Variants in CAGE1 observed in about 807,000 individuals in gnomAD.
CAGE1 encodes cancer-associated gene 1 protein.
A neutral mutation model predicts 94.9 loss-of-function variants in CAGE1; 66 were observed. That is an observed-to-expected ratio of 0.70 (90% CI 0.57 to 0.85). The LOEUF (loss-of-function observed/expected upper bound fraction) is 0.85. Among genes scored for constraint, CAGE1 ranks in the 40% least tolerant of loss-of-function variants. The pLI is 0.00. For synonymous variants in CAGE1, 319 were observed against 321.0 expected, an observed-to-expected ratio of 0.99 and a Z score of 0.07; for missense variants, 865 against 950.4, an observed-to-expected ratio of 0.91 and a Z score of 1.18.
intron 11 of CAGE1, chr6:7,341,000 G>A (rs1759150954): frequency 2.2e-6 from 1 of 449,600 alleles, no homozygotes. Context: ...AGCGGAGAGA[G>A]GAGCTGTTGC....
intron 2 of CAGE1, among the ~76,000 whole-genome samples, chr6:7,386,715 T>C (rs2113481134): frequency 6.6e-6 from 1 of 152,172 alleles, no homozygotes; most frequent in East Asian, 1.9e-4. Context: ...GCCTCCAGAG[T>C]AGCTGGGATT....
At chr6:7,335,869 G>A (rs1758937458) in intron 11 of CAGE1, among the ~76,000 whole-genome samples, 1 of 152,156 alleles carries the variant, frequency 6.6e-6, no homozygotes. Context: ...GAGCCACCAT[G>A]CTCAGCCTAC....
chr6:7,352,309 A>AC (rs1759806824), intron 11 of CAGE1, among the ~76,000 whole-genome samples: 2 of 112,096 alleles, frequency 1.8e-5, no homozygotes, highest in East Asian at 3.2e-4. Context: ...AAAAAAACAA[A>AC]AAAAAACAAA....
intron 13 of CAGE1, among the ~76,000 whole-genome samples, chr6:7,328,069 CTA>C (rs1758597541): frequency 6.6e-6 from 1 of 152,132 alleles, no homozygotes. Context: ...ATCCCCAAAG[CTA>C]TGTTACAAAT....
In CAGE1 at chr6:7,382,190, C is replaced by A. The variant is rs181961287; in HGVS notation, c.284-3170G>T. Reference sequence around the variant, plus strand: ...TAGTTCTTTATTTTAGATACCAAATCTTTGTCAATTATACATATTGCATGT... The same window carrying A: ...TAGTTCTTTATTTTAGATACCAAATATTTGTCAATTATACATATTGCATGT... On this transcript the variant is annotated intron_variant, in intron 3 of 13. Transcript: ENST00000502583. Among the ~76,000 whole-genome samples, 15 of 152,172 alleles carry A rather than the reference C, an allele frequency of 9.9e-5. 1 individual carries two copies. Among genetic ancestry groups the A allele is most frequent in the Middle Eastern group, 3.4e-3 (1 of 294 alleles).
intron 9 of CAGE1, 62 bp downstream of exon 9, chr6:7,365,406 C>T (rs1581686211): frequency 7.3e-7 from 1 of 1,361,170 alleles, no homozygotes; most frequent in East Asian, 2.4e-5. Flanking sequence ...ACTTCTTAAA[C>T]TTGCTAGTAA....
rs200292522 is a variant in CAGE1, at chr6:7,386,997, G to T, written c.177C>A (p.Thr59=). ...HSPICMETTG[T]TCDLPQNEIK... Reference sequence around the variant, plus strand: ...TGCACACCTGAGGCAAGTCACAAGTGGTGCCGGTGGTTTCCATACAGATTG... The same window carrying T: ...TGCACACCTGAGGCAAGTCACAAGTTGTGCCGGTGGTTTCCATACAGATTG... Residue 59 remains threonine (T), a synonymous_variant, in exon 2 of 14, where the codon ACC becomes ACA. Transcript: ENST00000502583. 1 of 1,551,432 alleles carries T rather than the reference G, an allele frequency of 6.4e-7. No homozygotes were observed.
intron 9 of CAGE1, among the ~76,000 whole-genome samples, chr6:7,357,114 C>T (rs949836796): frequency 6.6e-6 from 1 of 152,082 alleles, no homozygotes; most frequent in Non-Finnish European, 1.5e-5. Flanking sequence ...TTCAAATATA[C>T]TTACATGTCT....
chr6:7,380,935 G>A (rs1213079587), intron 3 of CAGE1, among the ~76,000 whole-genome samples: 1 of 152,130 alleles, frequency 6.6e-6, no homozygotes, highest in Admixed American at 6.5e-5. Context: ...TCTCCAAAGT[G>A]TACCAATTTA....
chr6:7,328,873 AGTGTGT>A (rs545926619), intron 13 of CAGE1, among the ~76,000 whole-genome samples: 9,019 of 105,278 alleles, frequency 0.086, 493 homozygotes, highest in East Asian at 0.12. Flanking sequence ...GTATCTTATA[AGTGTGT>A]GTGTGTGTGT....
At chr6:7,332,045 G>A (rs145834135) in intron 12 of CAGE1, among the ~76,000 whole-genome samples, 37 of 152,262 alleles carry the variant, frequency 2.4e-4, no homozygotes, top group Admixed American at 7.2e-4. Context: ...TAGGTATACT[G>A]TACTGTCTTA....
At chr6:7,365,618 C>T (rs764743876) in intron 8 of CAGE1, 43 bp from the exon 9 acceptor site, 1 of 1,566,308 alleles carries the variant, frequency 6.4e-7, no homozygotes, top group South Asian at 1.2e-5. Flanking sequence ...TCATTTCATA[C>T]TCCTTGGAAT....
intron 6 of CAGE1, among the ~76,000 whole-genome samples, chr6:7,369,199 G>C (rs1561862480): frequency 6.6e-6 from 1 of 151,866 alleles, no homozygotes; most frequent in Non-Finnish European, 1.5e-5. Flanking sequence ...GTAGAGATGG[G>C]GTTTCACTAT....
intron 3 of CAGE1, among the ~76,000 whole-genome samples, chr6:7,383,058 G>A (rs1041130927): frequency 1.3e-5 from 2 of 149,306 alleles, no homozygotes; most frequent in Non-Finnish European, 3.0e-5. Flanking sequence ...TCATGGGAAC[G>A]GTTTTCCCCA....
intron 9 of CAGE1, 121 bp downstream of exon 9, chr6:7,365,347 G>C (rs746669452): frequency 4.3e-5 from 30 of 698,082 alleles, no homozygotes; most frequent in Non-Finnish European, 6.1e-5. Context: ...ATAATGCCAT[G>C]ATGCCAGTGT....
intron 7 of CAGE1, among the ~76,000 whole-genome samples, chr6:7,368,441 CA>C (rs2113441562): frequency 6.6e-6 from 1 of 151,656 alleles, no homozygotes; most frequent in South Asian, 2.1e-4. Context: ...TAGTGCCGTG[CA>C]AAAATGAAAA....
chr6:7,345,016 G>A (rs569435470), intron 11 of CAGE1, among the ~76,000 whole-genome samples: 2 of 152,288 alleles, frequency 1.3e-5, no homozygotes, highest in Admixed American at 6.5e-5. Context: ...GGCCAGATAA[G>A]AGAATAAAAC....
chr6:7,386,830 T>C, intron 2 of CAGE1, 149 bp downstream of exon 2: 1 of 622,396 alleles, frequency 1.6e-6, no homozygotes, highest in Non-Finnish European at 2.8e-6. Flanking sequence ...CTAGCGAAAC[T>C]GGGAAAACCA....
intron 11 of CAGE1, among the ~76,000 whole-genome samples, chr6:7,348,935 A>G (rs945412357): frequency 2.0e-5 from 3 of 152,240 alleles, no homozygotes; most frequent in Non-Finnish European, 4.4e-5. Flanking sequence ...AAACCTGAGA[A>G]TAATCGGTGT....
Sources: gnomAD v4.1 joint callset for allele counts (sites outside exome capture counted in the v4.1 genomes callset) on GRCh38, gnomAD v4.1.1 for gene constraint, MANE v1.5 for transcripts, NCBI Gene and HGNC (gene_info 2026-07-23, HGNC 2026-07-21) for gene names.